The following COL25A1 variants were observed in gnomAD, a reference collection of about 807,000 sequenced individuals.
COL25A1 encodes the protein collagen type XXV alpha 1 chain.
In COL25A1, 103 loss-of-function variants were observed where a neutral mutation model predicts 128.4. The observed-to-expected ratio is 0.80, with a 90% confidence interval of 0.68 to 0.94. The LOEUF (loss-of-function observed/expected upper bound fraction) is 0.94, where lower values mean the gene tolerates loss of function less well. Ranked by LOEUF, COL25A1 falls within the 40% of genes least tolerant of loss-of-function variation. The pLI is 0.00. For missense variants in COL25A1, 745 were observed against 840.0 expected (o/e 0.89, Z 1.40); for synonymous variants, 279 against 277.2 (o/e 1.01, Z -0.06).
At chr4:109,145,620 C>T (rs1349964065) in intron 3 of COL25A1, among the ~76,000 whole-genome samples, 2 of 152,112 alleles carry the variant, frequency 1.3e-5, no homozygotes, top group South Asian at 2.1e-4. Context: ...GGGTGAATCA[C>T]CTGAGGTCAG....
chr4:108,826,905 C>A (rs1200648213), intron 33 of COL25A1, among the ~76,000 whole-genome samples: 2 of 152,074 alleles, frequency 1.3e-5, no homozygotes, highest in East Asian at 3.9e-4. Flanking sequence ...AGTCTCTGAT[C>A]CTGTCAATCT....
intron 3 of COL25A1, among the ~76,000 whole-genome samples, chr4:109,106,773 G>T (rs3113712): frequency 0.4 from 28,715 of 72,180 alleles, 2,330 homozygotes; most frequent in African/African-American, 0.48. Context: ...AAAATTTTTT[G>T]GGGGGGTGGG....
chr4:108,947,998 C>T (rs1748975441), intron 8 of COL25A1, among the ~76,000 whole-genome samples: 1 of 152,300 alleles, frequency 6.6e-6, no homozygotes, highest in South Asian at 2.1e-4. Context: ...GCCCAAAATA[C>T]ATCATGCATT....
chr4:109,084,328 G>C (rs1764168712), intron 3 of COL25A1, among the ~76,000 whole-genome samples: 1 of 152,108 alleles, frequency 6.6e-6, no homozygotes, highest in Non-Finnish European at 1.5e-5. Flanking sequence ...GGTATGCCTT[G>C]CCTTAATTAA....
chr4:109,057,417 G>A (rs1013259393), intron 3 of COL25A1, among the ~76,000 whole-genome samples: 2 of 84,430 alleles, frequency 2.4e-5, no homozygotes, highest in African/African-American at 9.0e-5. Flanking sequence ...ACCATGCCTA[G>A]CTAATTTTTT....
At chr4:109,139,767 C>T (rs919495179) in intron 3 of COL25A1, among the ~76,000 whole-genome samples, 1 of 152,048 alleles carries the variant, frequency 6.6e-6, no homozygotes, top group Non-Finnish European at 1.5e-5. Context: ...TGGTGTGCTG[C>T]ATCCATTAAC....
intron 5 of COL25A1, among the ~76,000 whole-genome samples, chr4:109,012,295 T>C (rs1756674053): frequency 6.6e-6 from 1 of 152,216 alleles, no homozygotes; most frequent in Admixed American, 6.5e-5. Flanking sequence ...ATGTACTGGG[T>C]GAAATTGAGA....
In COL25A1 at chr4:109,083,452, T is replaced by TAAAA. The variant is rs1560659251; in HGVS notation, c.368-33274_368-33273insTTTT. Among the ~76,000 whole-genome samples, 4 of 110,530 alleles carry TAAAA rather than the reference T, an allele frequency of 3.6e-5. 1 individual carries two copies. Among genetic ancestry groups the TAAAA allele is most frequent in the African/African-American group, 1.5e-4 (4 of 26,998 alleles). The allele number at this position is 110,530 out of a possible 152,430, so 72.5% of individuals were successfully genotyped here. A position where few individuals can be genotyped will look rare whatever the true frequency, so the allele number is the denominator to read the frequency against. ...AATAACTTTTACACTAAATAAATTT[T>TAAAA]TTTTTTTTTTTTTTTTTTTTTTTTT... On this transcript the variant is annotated intron_variant, in intron 3 of 37. Transcript: ENST00000399132.
Position 108,995,464 on chromosome 4 carries a change from C to T in COL25A1, c.438+14894G>A, listed in dbSNP as rs186172445. Among the ~76,000 whole-genome samples the T allele has an allele frequency of 2.3e-3, 348 of 152,186 alleles. 1 individual carries two copies. The highest frequency in any genetic ancestry group is 3.8e-3 in the Non-Finnish European group (256 of 68,012). ...AACAAAGCCTCCAGGAAATATGGGA[C>T]TATGTGAAAAGACCAAATATGTATT... On this transcript the variant is annotated intron_variant, in intron 6 of 37. Transcript: ENST00000399132.
chr4:109,010,413 T>C, intron 5 of COL25A1, 38 bp from the exon 6 acceptor site: 1 of 1,482,916 alleles, frequency 6.7e-7, no homozygotes, highest in Non-Finnish European at 9.1e-7. Context: ...ATTACAAAAT[T>C]GTATCCTAAG....
chr4:108,907,124 C>T (rs1244063163), intron 13 of COL25A1, among the ~76,000 whole-genome samples: 1 of 152,150 alleles, frequency 6.6e-6, no homozygotes, highest in Non-Finnish European at 1.5e-5. Context: ...CAGTCCGAAT[C>T]ACTAGGATTG....
chr4:108,967,193 T>C lies in COL25A1; in HGVS notation c.492+7174A>G, dbSNP rs1751410207. On this transcript the variant is annotated intron_variant, in intron 8 of 37. Coordinates refer to ENST00000399132, the MANE Select transcript of COL25A1 (RefSeq NM_198721.4). ...TAAAAGTAAGTATTTCATAGGGTTG[T>C]TGAAATAAGGTGTGACATCATAGAG... 2.6e-5 allele frequency among the ~76,000 whole-genome samples: 4 copies of C among 152,250 alleles called. No homozygotes were observed. The South Asian group carries it at 6.2e-4, about 24-fold the overall frequency.
Position 109,243,549 on chromosome 4 carries a change from A to G in COL25A1, c.367+57034T>C, listed in dbSNP as rs1468895776. 3.3e-5 allele frequency among the ~76,000 whole-genome samples: 5 copies of G among 152,076 alleles called. 1 individual carries two copies. The highest frequency in any genetic ancestry group is 1.3e-4 in the Admixed American group (2 of 15,252). Reference sequence around the variant, plus strand: ...AGTATCTATTAGGAAAGAATAAAGAAACTAGGATTATTCCACCTGGTGAAG... The same window carrying G: ...AGTATCTATTAGGAAAGAATAAAGAGACTAGGATTATTCCACCTGGTGAAG... On this transcript the variant is annotated intron_variant, in intron 3 of 37. Transcript: ENST00000399132.
intron 31 of COL25A1, chr4:108,834,364 T>C: frequency 6.4e-7 from 1 of 1,550,540 alleles, no homozygotes; most frequent in East Asian, 2.4e-5. Flanking sequence ...CCCGGGATCC[T>C]GGCTTTCCGT....
At chr4:109,272,280 A>T (rs1782251435) in intron 3 of COL25A1, among the ~76,000 whole-genome samples, 1 of 152,188 alleles carries the variant, frequency 6.6e-6, no homozygotes, top group Non-Finnish European at 1.5e-5. Flanking sequence ...TTTCAGTTAT[A>T]TTACAACAAA....
intron 16 of COL25A1, among the ~76,000 whole-genome samples, chr4:108,894,117 G>C (rs1377517078): frequency 1.3e-5 from 2 of 152,080 alleles, no homozygotes; most frequent in Admixed American, 6.6e-5. Flanking sequence ...GAGTCAGTAT[G>C]GTAAATGATT....
At chr4:109,213,453 T>C (rs144137000) in intron 3 of COL25A1, among the ~76,000 whole-genome samples, 119 of 152,280 alleles carry the variant, frequency 7.8e-4, no homozygotes, top group Non-Finnish European at 1.4e-3. Flanking sequence ...TTTCACTTTC[T>C]GTCTTTTCGT....
intron 3 of COL25A1, among the ~76,000 whole-genome samples, chr4:109,108,962 C>A: frequency 6.6e-6 from 1 of 151,988 alleles, no homozygotes; most frequent in Admixed American, 6.6e-5. Flanking sequence ...TGTAACTGAG[C>A]CCATTTTACA....
intron 3 of COL25A1, among the ~76,000 whole-genome samples, chr4:109,070,956 TC>T (rs2125982603): frequency 6.6e-6 from 1 of 152,098 alleles, no homozygotes; most frequent in Admixed American, 6.6e-5. Flanking sequence ...TTGGGTTGAT[TC>T]CAAGTCTTTG....
Sources: allele counts gnomAD v4.1 joint callset (sites outside exome capture counted in the v4.1 genomes callset), GRCh38; gene constraint gnomAD v4.1.1; transcripts MANE v1.5; gene names NCBI Gene and HGNC (gene_info 2026-07-23, HGNC 2026-07-21).